ATP1A1: variants seen among roughly 807,000 people sequenced by gnomAD.
The protein encoded by ATP1A1 is ATPase Na+/K+ transporting subunit alpha 1.
ATP1A1 carries 14 observed loss-of-function variants against 114.8 expected under a neutral mutation model. That is an observed-to-expected ratio of 0.12 (90% CI 0.08 to 0.19). The LOEUF (loss-of-function observed/expected upper bound fraction) is 0.19. ATP1A1 is among the 10% of genes least tolerant of loss of function. The pLI is 1.00. For missense variants in ATP1A1, 524 were observed against 1,290.7 expected (o/e 0.41, Z 9.10); for synonymous variants, 471 against 466.3 (o/e 1.01, Z -0.13).
At position 116,387,993 on chromosome 1, in the gene ATP1A1, T is replaced by C; in HGVS notation, c.388-138T>C. On this transcript the variant is annotated intron_variant, in intron 4 of 22. Transcript: ENST00000295598. This position sits in a 1 kb window ranked among gnomAD's most constrained non-coding sequence, Gnocchi z 6.7. ...CCTGTGTGGTCTTTAGAAGGATAAA[T>C]AAGAAAACATGAGTTCTATATTTCT... is the stretch of plus-strand genomic sequence containing the variant. 3 of 637,112 alleles carry C rather than the reference T, an allele frequency of 4.7e-6. No homozygotes were observed. The highest frequency in any genetic ancestry group is 8.2e-6 in the Non-Finnish European group (3 of 368,024). 39.5% of individuals were successfully genotyped at this position (637,112 alleles called of 1,614,324 possible). A position where few individuals can be genotyped will look rare whatever the true frequency, so the allele number is the denominator to read the frequency against.
Position 116,404,010 on chromosome 1 carries a change from G to C in ATP1A1, c.3043+35G>C. On this transcript the variant is annotated intron_variant, in intron 22 of 22. Coordinates refer to ENST00000295598, the MANE Select transcript of ATP1A1 (RefSeq NM_000701.8). The surrounding 1 kb of genome is among the most constrained non-coding windows in gnomAD (Gnocchi z 4.8). ...GGCATTCTGACTTTGGTTGGAGGAG[G>C]AGTGGGAGGGGCTATAGTTCTATTG... 6.3e-7 allele frequency: 1 copy of C among 1,587,910 alleles called. No individual in the cohort carries two copies. Among genetic ancestry groups the C allele is most frequent in the Non-Finnish European group, 8.6e-7 (1 of 1,157,142 alleles).
rs528259797 is a variant in ATP1A1 at position 116,404,278 on chromosome 1, T to G, written c.3044-138T>G. Reference sequence around the variant, plus strand: ...CCTAAAAACATGTAAATAAGTACAGTTGAGGTCCCATGTTTGGATTTTAAC... The same window carrying G: ...CCTAAAAACATGTAAATAAGTACAGGTGAGGTCCCATGTTTGGATTTTAAC... On this transcript the variant is annotated intron_variant, in intron 22 of 22. Coordinates refer to ENST00000295598, the MANE Select transcript of ATP1A1 (RefSeq NM_000701.8). The surrounding 1 kb of genome is among the most constrained non-coding windows in gnomAD (Gnocchi z 4.8). 15 of 1,043,008 alleles carry G rather than the reference T, an allele frequency of 1.4e-5. No homozygotes were observed. The Admixed American group carries it at 1.6e-4, about 11-fold the overall frequency. 64.6% of individuals were successfully genotyped at this position (1,043,008 alleles called of 1,614,324 possible).
In ATP1A1 at chr1:116,404,410, C is replaced by A; in HGVS notation, c.3044-6C>A. 1 of 1,613,780 alleles carries A rather than the reference C, an allele frequency of 6.2e-7. No individual in the cohort carries two copies. Among genetic ancestry groups the A allele is most frequent in the Non-Finnish European group, 8.5e-7 (1 of 1,179,864 alleles). On this transcript the variant is annotated splice_region_variant and splice_polypyrimidine_tract_variant and intron_variant, in intron 22 of 22. Coordinates refer to ENST00000295598, the MANE Select transcript of ATP1A1 (RefSeq NM_000701.8). This position sits in a 1 kb window ranked among gnomAD's most constrained non-coding sequence, Gnocchi z 4.8. The stretch of plus-strand genomic sequence containing the variant: ...TGTGTCTTGTCTGTCTCTTTGCCAC[C>A]CACAGGCTGGGTGGAGAAGGAAACC...
chr1:116,402,665 G>A (rs1355949730), intron 21 of ATP1A1, among the ~76,000 whole-genome samples: 2 of 152,122 alleles, frequency 1.3e-5, no homozygotes, highest in Admixed American at 6.5e-5. Context: ...AGGTGAATTC[G>A]GCTTTCTTCC....
intron 8 of ATP1A1, 146 bp from the exon 9 acceptor site, chr1:116,390,067 G>A: frequency 1.2e-6 from 1 of 846,620 alleles, no homozygotes; most frequent in South Asian, 1.7e-5. Flanking sequence ...TCATGTATGG[G>A]TTCCCCTTAT....
intron 1 of ATP1A1, among the ~76,000 whole-genome samples, chr1:116,378,868 G>A (rs549936418): frequency 6.6e-6 from 1 of 152,278 alleles, no homozygotes; most frequent in East Asian, 1.9e-4. Context: ...AAAAAAAGGA[G>A]GGTAAGGTGG....
chr1:116,382,861 A>G (rs1651834495), intron 1 of ATP1A1, among the ~76,000 whole-genome samples: 1 of 152,248 alleles, frequency 6.6e-6, no homozygotes, highest in South Asian at 2.1e-4. Flanking sequence ...GGAGAACCAC[A>G]AAATAATAGT....
At chr1:116,396,945 C>G (rs1488023884) in intron 14 of ATP1A1, among the ~76,000 whole-genome samples, 2 of 152,184 alleles carry the variant, frequency 1.3e-5, no homozygotes, top group Non-Finnish European at 2.9e-5. Flanking sequence ...ATTTACTGTT[C>G]TAAGAGCTTG....
Position 116,389,799 on chromosome 1 carries a change from T to G in ATP1A1, c.1023+92T>G, listed in dbSNP as rs989351135. On this transcript the variant is annotated intron_variant, in intron 8 of 22. Coordinates refer to ENST00000295598, the MANE Select transcript of ATP1A1 (RefSeq NM_000701.8). This position sits in a 1 kb window ranked among gnomAD's most constrained non-coding sequence, Gnocchi z 6.9. The stretch of plus-strand genomic sequence containing the variant: ...CCTATTCTAAGGTATTGCCAACTTA[T>G]GTTTTATTCTGGATGTTTGATATAG... 1.7e-5 allele frequency: 25 copies of G among 1,510,384 alleles called. No homozygotes were observed. The highest frequency in any genetic ancestry group is 3.9e-5 in the Admixed American group (2 of 51,544). 93.6% of individuals were successfully genotyped at this position (1,510,384 alleles called of 1,614,324 possible). A position where few individuals can be genotyped will look rare whatever the true frequency, so the allele number is the denominator to read the frequency against.
rs191571114 is a variant in ATP1A1, at chr1:116,382,686, G to T, written c.13-1328G>T. The T allele has an allele frequency of 6.2e-5, 8 of 128,408 alleles. No individual in the cohort carries two copies. The East Asian group carries it at 1.4e-3, about 22-fold the overall frequency. 8.0% of individuals were successfully genotyped at this position (128,408 alleles called of 1,614,324 possible). A position where few individuals can be genotyped will look rare whatever the true frequency, so the allele number is the denominator to read the frequency against. On this transcript the variant is annotated intron_variant, in intron 1 of 22. Coordinates refer to ENST00000295598, the MANE Select transcript of ATP1A1 (RefSeq NM_000701.8). ...TAAGAGGATATTTTTAAATTTAAGT[G>T]AACAATGTATTTTATTTGCAACTAT...
chr1:116,387,207 C>T lies in ATP1A1; in HGVS notation c.184-81C>T. The T allele has an allele frequency of 6.6e-7, 1 of 1,507,134 alleles. No individual in the cohort carries two copies. Among genetic ancestry groups the T allele is most frequent in the South Asian group, 1.2e-5 (1 of 85,396 alleles). The allele number at this position is 1,507,134 out of a possible 1,614,324, so 93.4% of individuals were successfully genotyped here. On this transcript the variant is annotated intron_variant, in intron 3 of 22. Coordinates refer to ENST00000295598, the MANE Select transcript of ATP1A1 (RefSeq NM_000701.8). This position sits in a 1 kb window ranked among gnomAD's most constrained non-coding sequence, Gnocchi z 6.7. Reference sequence around the variant, plus strand: ...TTGTTTCTTCCTTAAATCCTTATTGCAACCGTCCAGCTACCAGGTAGGTAT... The same window carrying T: ...TTGTTTCTTCCTTAAATCCTTATTGTAACCGTCCAGCTACCAGGTAGGTAT...
At chr1:116,376,237 T>C (rs1651357558) in intron 1 of ATP1A1, among the ~76,000 whole-genome samples, 1 of 151,942 alleles carries the variant, frequency 6.6e-6, no homozygotes, top group Middle Eastern at 3.4e-3. Flanking sequence ...AGCTTATGAG[T>C]AGTGATTTAA....
rs1284272815 is a variant in ATP1A1, at chr1:116,404,490, TCCGACACCCAC to T, written c.*49_*59del. On this transcript the variant is annotated 3_prime_UTR_variant, in exon 23 of 23. Coordinates refer to ENST00000295598, the MANE Select transcript of ATP1A1 (RefSeq NM_000701.8). The surrounding 1 kb of genome is among the most constrained non-coding windows in gnomAD (Gnocchi z 4.8). ...GGAGCATCAGGCCACACACTCTGCA[TCCGACACCCAC>T]CCCCTCTTTGTGTACTTCAGTCTTG... The T allele has an allele frequency of 6.3e-7, 1 of 1,583,166 alleles. No homozygotes were observed. Among genetic ancestry groups the T allele is most frequent in the Non-Finnish European group, 8.6e-7 (1 of 1,169,242 alleles).
chr1:116,388,683 G>C lies in ATP1A1; in HGVS notation c.547G>C (p.Glu183Gln). ...RNGEKMSINA[E>Q]EVVVGDLVEV... is the part of the protein sequence containing the mutation. ...TGGTGAGAAAATGAGCATAAATGCG[G>C]AGGAAGTTGTGGTTGGGGATCTGGT... The change falls in exon 6 of 23, where the codon GAG becomes CAG. Residue 183 changes from glutamate (E) to glutamine (Q), a missense_variant. Glu to Gln is a conservative substitution (Grantham distance 29). Transcript: ENST00000295598. The surrounding 1 kb of genome is among the most constrained non-coding windows in gnomAD (Gnocchi z 5.6). 1 of 1,614,218 alleles carries C rather than the reference G, an allele frequency of 6.2e-7. No individual in the cohort carries two copies.
intron 8 of ATP1A1, 77 bp from the exon 9 acceptor site, chr1:116,390,136 A>T: frequency 7.2e-7 from 1 of 1,396,408 alleles, no homozygotes; most frequent in Non-Finnish European, 1.0e-6. Flanking sequence ...AATTTCTTCC[A>T]CATTAGGATA....
rs761778925 is a variant in ATP1A1 at position 116,395,070 on chromosome 1, G to T, written c.1661-40G>T. On this transcript the variant is annotated intron_variant, in intron 12 of 22. Transcript: ENST00000295598. This position sits in a 1 kb window ranked among gnomAD's most constrained non-coding sequence, Gnocchi z 6.4. Reference sequence around the variant, plus strand: ...CTGCTGTTGTCCTTCTTACTGCCCAGCGTCACTGAAATTTTCAAAGGCTCC... The same window carrying T: ...CTGCTGTTGTCCTTCTTACTGCCCATCGTCACTGAAATTTTCAAAGGCTCC... The T allele has an allele frequency of 1.0e-5, 16 of 1,599,884 alleles. No individual in the cohort carries two copies. The Admixed American group carries it at 2.5e-4, about 25-fold the overall frequency.
At position 116,389,336 on chromosome 1, in the gene ATP1A1, ACT is replaced by A. The variant is rs1347238382; in HGVS notation, c.755-100_755-99del. On this transcript the variant is annotated intron_variant, in intron 7 of 22. Transcript: ENST00000295598. The surrounding 1 kb of genome is among the most constrained non-coding windows in gnomAD (Gnocchi z 6.9). ...TGGCCCTTAAAAAGTGCTTTTATCAACTCTTTTTGTTTTTTTAGTCATCCTAT... is the reference window on the plus strand; with the variant it reads ...TGGCCCTTAAAAAGTGCTTTTATCAACTTTTTGTTTTTTTAGTCATCCTAT... 3.4e-6 allele frequency: 5 copies of A among 1,470,164 alleles called. No homozygotes were observed. The highest frequency in any genetic ancestry group is 2.3e-5 in the East Asian group (1 of 44,024). The allele number at this position is 1,470,164 out of a possible 1,614,324, so 91.1% of individuals were successfully genotyped here. A position where few individuals can be genotyped will look rare whatever the true frequency, so the allele number is the denominator to read the frequency against.
chr1:116,374,020 G>C (rs1651180760), intron 1 of ATP1A1: 1 of 1,282,896 alleles, frequency 7.8e-7, no homozygotes, highest in East Asian at 3.0e-5. Flanking sequence ...GCTCCGCCGG[G>C]GCCTCCTCCC....
chr1:116,387,478 C>T lies in ATP1A1; in HGVS notation c.374C>T (p.Pro125Leu). ...ATCCAAGCTGCTACAGAAGAGGAAC[C>T]TCAAAACGATAATGTGAGTTCTGTA... ...YSIQAATEEE[P>L]QNDNLYLGVV... The change falls in exon 4 of 23, where the codon CCT becomes CTT. Residue 125 changes from proline to leucine, a missense_variant. This residue lies in a region of ATP1A1 where 141 missense variants were observed against 316.6 expected (regional missense o/e 0.45). Transcript: ENST00000295598. The surrounding 1 kb of genome is among the most constrained non-coding windows in gnomAD (Gnocchi z 6.7). The T allele has an allele frequency of 6.2e-7, 1 of 1,614,146 alleles. No homozygotes were observed.
Sources: allele counts gnomAD v4.1 joint callset (sites outside exome capture counted in the v4.1 genomes callset), GRCh38; gene constraint gnomAD v4.1.1; regional missense constraint gnomAD v4.1.1; non-coding constraint Gnocchi (gnomAD v3.1); transcripts MANE v1.5; gene names NCBI Gene and HGNC (gene_info 2026-07-23, HGNC 2026-07-21).